The following CTNNA3 variants were observed in gnomAD, a reference collection of about 807,000 sequenced individuals.
The protein encoded by CTNNA3 is catenin alpha 3, also known as catenin alpha-3.
In CTNNA3, 76 loss-of-function variants were observed where a neutral mutation model predicts 95.7. The observed-to-expected ratio is 0.79, with a 90% CI of 0.66 to 0.96. The LOEUF is 0.96. Among genes scored for constraint, CTNNA3 ranks in the 40% least tolerant of loss-of-function variants. The pLI is 0.00. For synonymous variants in CTNNA3, 431 were observed against 374.4 expected (o/e 1.15, Z -1.74); for missense variants, 1,191 against 1,089.8 (o/e 1.09, Z -1.31).
intron 13 of CTNNA3, among the ~76,000 whole-genome samples, chr10:66,115,586 T>TAGATAG (rs71035111): frequency 0.38 from 43,532 of 114,628 alleles, 9,067 homozygotes; most frequent in Middle Eastern, 0.55. Context: ...AGATGATAGA[T>TAGATAG]AGATAGAGAT....
In CTNNA3 at chr10:66,660,817, C is replaced by T. The variant is rs1270441206; in HGVS notation, c.1282-39033G>A. ...ATATCCCCATTTCCTGCTTTATTTT[C>T]TCTCCAAAGCACTTATCACCATCTA... On this transcript the variant is annotated intron_variant, in intron 9 of 17. Coordinates refer to ENST00000433211, the MANE Select transcript of CTNNA3 (RefSeq NM_013266.4). 2.0e-5 allele frequency among the ~76,000 whole-genome samples: 3 copies of T among 152,066 alleles called. No homozygotes were observed. The East Asian group carries it at 5.8e-4, about 29-fold the overall frequency.
intron 11 of CTNNA3, among the ~76,000 whole-genome samples, chr10:66,428,417 T>C (rs1216225654): frequency 2.2e-4 from 34 of 152,058 alleles, no homozygotes; most frequent in African/African-American, 6.0e-4. Context: ...TAGACATCTA[T>C]AGAACTCTCC....
At chr10:66,566,108 T>C (rs1360090506) in intron 10 of CTNNA3, among the ~76,000 whole-genome samples, 1 of 152,134 alleles carries the variant, frequency 6.6e-6, no homozygotes, top group Non-Finnish European at 1.5e-5. Context: ...ATCGGGGCTG[T>C]TTTTAAAAGT....
intron 17 of CTNNA3, among the ~76,000 whole-genome samples, chr10:65,953,933 T>C (rs1239962317): frequency 6.6e-6 from 1 of 152,248 alleles, no homozygotes; most frequent in African/African-American, 2.4e-5. Flanking sequence ...ATGGTATTTC[T>C]AGTTCTAGAT....
At chr10:66,076,054 G>A (rs1228451938) in intron 14 of CTNNA3, among the ~76,000 whole-genome samples, 5 of 151,244 alleles carry the variant, frequency 3.3e-5, no homozygotes, top group African/African-American at 1.2e-4. Flanking sequence ...TGGGTAGCTA[G>A]AACTCAACAT....
intron 7 of CTNNA3, among the ~76,000 whole-genome samples, chr10:66,806,588 T>G (rs1841652820): frequency 6.6e-6 from 1 of 152,000 alleles, no homozygotes; most frequent in Non-Finnish European, 1.5e-5. Flanking sequence ...TTGACTATTG[T>G]AACTTTTCTC....
chr10:66,651,575 T>C (rs952271426), intron 9 of CTNNA3, among the ~76,000 whole-genome samples: 2 of 152,278 alleles, frequency 1.3e-5, no homozygotes, highest in African/African-American at 2.4e-5. Flanking sequence ...GCAGTGCTCC[T>C]GCATGGCAGG....
intron 12 of CTNNA3, among the ~76,000 whole-genome samples, chr10:66,299,873 A>G (rs1044884081): frequency 6.6e-6 from 1 of 152,126 alleles, no homozygotes; most frequent in Non-Finnish European, 1.5e-5. Flanking sequence ...ACATCCAGAA[A>G]TAGTAAAATA....
chr10:67,729,358 A>G (rs1203654941), intron 1 of CTNNA3, among the ~76,000 whole-genome samples: 1 of 152,166 alleles, frequency 6.6e-6, no homozygotes, highest in Non-Finnish European at 1.5e-5. Context: ...CTTATTTGTT[A>G]AATGAACCAT....
chr10:66,830,603 C>CT (rs111968297), intron 7 of CTNNA3, among the ~76,000 whole-genome samples: 21,833 of 147,580 alleles, frequency 0.15, 1,628 homozygotes, highest in African/African-American at 0.17. Flanking sequence ...ACTAATTTCT[C>CT]TTTTTTTTTT....
intron 6 of CTNNA3, among the ~76,000 whole-genome samples, chr10:67,217,855 T>A (rs550758569): frequency 6.9e-6 from 1 of 144,216 alleles, no homozygotes; most frequent in East Asian, 1.9e-4. Context: ...TCCAAAATGC[T>A]CCAAAATCTA....
chr10:67,171,321 T>A (rs1209594671), intron 7 of CTNNA3, among the ~76,000 whole-genome samples: 1 of 152,170 alleles, frequency 6.6e-6, no homozygotes, highest in East Asian at 1.9e-4. Context: ...ACGCCCATAA[T>A]CCCAGCACTT....
chr10:66,320,987 A>T (rs1410168052), intron 12 of CTNNA3, among the ~76,000 whole-genome samples: 1 of 151,974 alleles, frequency 6.6e-6, no homozygotes, highest in Non-Finnish European at 1.5e-5. Flanking sequence ...CAATTAAATA[A>T]CTCTCTCTTT....
intron 13 of CTNNA3, among the ~76,000 whole-genome samples, chr10:66,176,548 G>A (rs1312388818): frequency 6.6e-6 from 1 of 151,974 alleles, no homozygotes; most frequent in Non-Finnish European, 1.5e-5. Flanking sequence ...AAAAAGCAGA[G>A]GAATATTTGT....
chr10:67,482,641 T>G (rs7894068), intron 5 of CTNNA3, among the ~76,000 whole-genome samples: 44,107 of 152,004 alleles, frequency 0.29, 10,829 homozygotes, highest in African/African-American at 0.67. Context: ...AGCTTAAGGA[T>G]ATTTTGGGCT....
chr10:67,440,215 TGTG>T (rs373383814), intron 5 of CTNNA3, among the ~76,000 whole-genome samples: 1 of 152,050 alleles, frequency 6.6e-6, no homozygotes, highest in Non-Finnish European at 1.5e-5. Flanking sequence ...TCTTGTCACC[TGTG>T]GTGGTGGTGG....
rs2077067828 is a variant in CTNNA3 at position 65,920,547 on chromosome 10, A to G, written c.2471T>C (p.Met824Thr). ...LMNAVVQTVKMSYIASTKIIR... is the reference protein window; with the variant it reads ...LMNAVVQTVKTSYIASTKIIR... ...GATCTTGGTTGAGGCAATGTAAGAC[A>G]TTTTCACTGTTTGCACTACAGCATT... Residue 824 changes from methionine to threonine, a missense_variant, in exon 18 of 18, where the codon ATG becomes ACG. Transcript: ENST00000433211. 1 of 1,613,938 alleles carries G rather than the reference A, an allele frequency of 6.2e-7. No homozygotes were observed. Among genetic ancestry groups the G allele is most frequent in the Non-Finnish European group, 8.5e-7 (1 of 1,180,026 alleles).
chr10:65,983,545 CTGTT>C (rs2078366320), intron 16 of CTNNA3, among the ~76,000 whole-genome samples: 1 of 151,550 alleles, frequency 6.6e-6, no homozygotes, highest in African/African-American at 2.4e-5. Flanking sequence ...CCAACTTATT[CTGTT>C]TAATTCACAA....
intron 2 of CTNNA3, among the ~76,000 whole-genome samples, chr10:67,609,349 C>G (rs1843383457): frequency 6.6e-6 from 1 of 152,090 alleles, no homozygotes; most frequent in Admixed American, 6.5e-5. Context: ...CTACATAATG[C>G]TTCCTGCTCA....
Sources: allele counts gnomAD v4.1 joint callset (sites outside exome capture counted in the v4.1 genomes callset), GRCh38; gene constraint gnomAD v4.1.1; transcripts MANE v1.5; gene names NCBI Gene and HGNC (gene_info 2026-07-23, HGNC 2026-07-21).